FAAH2: variants seen among roughly 807,000 people sequenced by gnomAD.
The protein encoded by FAAH2 is fatty-acid amide hydrolase 2.
FAAH2 carries 60 observed loss-of-function variants against 36.9 expected under a neutral mutation model. The observed-to-expected ratio is 1.63, with a 90% CI of 1.32 to 2.02. The LOEUF (loss-of-function observed/expected upper bound fraction) is 2.02, where lower values mean the gene tolerates loss of function less well. Among genes scored for constraint, FAAH2 ranks in the 30% most tolerant of loss-of-function variants. The pLI is 0.00. For missense variants in FAAH2, 689 were observed against 397.5 expected, an observed-to-expected ratio of 1.73 and a Z score of -6.23; for synonymous variants, 214 against 143.8, an observed-to-expected ratio of 1.49 and a Z score of -3.49.
At chrX:57,221,111 TC>T in the FAAH2 span, among the ~76,000 whole-genome samples, 852 of 109,858 alleles carry the variant, frequency 7.8e-3, 7 homozygotes, top group African/African-American at 0.027. Context: ...AAACCTCGAG[TC>T]CCCCCTCCAC....
the FAAH2 span, among the ~76,000 whole-genome samples, chrX:57,149,482 T>C: frequency 9.0e-6 from 1 of 111,721 alleles, no homozygotes; most frequent in African/African-American, 3.3e-5. Context: ...TGGTTTAGTC[T>C]TGGGAGGGTG....
chrX:57,267,459 C>T, the FAAH2 span, among the ~76,000 whole-genome samples: 1 of 112,658 alleles, frequency 8.9e-6, no homozygotes, highest in Non-Finnish European at 1.9e-5. Context: ...CCTGCACTGG[C>T]CAGCATTCCA....
chrX:57,392,191 A>G (rs1230495646), intron 7 of FAAH2, among the ~76,000 whole-genome samples: 2 of 111,365 alleles, frequency 1.8e-5, no homozygotes, highest in Non-Finnish European at 3.8e-5. Context: ...AAAATTGTTT[A>G]TCAAATATAG....
intron 7 of FAAH2, among the ~76,000 whole-genome samples, chrX:57,422,827 A>G (rs2147082235): frequency 8.9e-6 from 1 of 112,321 alleles, no homozygotes; most frequent in African/African-American, 3.2e-5. Flanking sequence ...AAATAGCAAA[A>G]TAGCAGGTAG....
chrX:57,388,866 G>A (rs187861859), intron 7 of FAAH2, among the ~76,000 whole-genome samples: 34 of 109,848 alleles, frequency 3.1e-4, no homozygotes, highest in Non-Finnish European at 5.0e-4. Flanking sequence ...TTATGTAACC[G>A]TTTTATACTT....
the FAAH2 span, among the ~76,000 whole-genome samples, chrX:57,179,814 A>G: frequency 8.9e-6 from 1 of 112,177 alleles, no homozygotes; most frequent in Non-Finnish European, 1.9e-5. Context: ...AACAGAATAT[A>G]CATTTTTTTC....
At chrX:57,455,681 AC>A (rs1045314833) in intron 10 of FAAH2, among the ~76,000 whole-genome samples, 4 of 112,107 alleles carry the variant, frequency 3.6e-5, no homozygotes, top group African/African-American at 1.3e-4. Flanking sequence ...CAAATTTTAA[AC>A]CAGCAACGGT....
the FAAH2 span, among the ~76,000 whole-genome samples, chrX:57,162,231 C>T: frequency 8.9e-6 from 1 of 112,179 alleles, no homozygotes; most frequent in Non-Finnish European, 1.9e-5. Flanking sequence ...GAGAGATCCG[C>T]TGTTAGTCTG....
chrX:57,282,174 A>C (rs1390524144), upstream of FAAH2, among the ~76,000 whole-genome samples: 1 of 112,021 alleles, frequency 8.9e-6, no homozygotes, highest in African/African-American at 3.2e-5. Context: ...GAACTAACTT[A>C]TATCGCCTAT....
the FAAH2 span, among the ~76,000 whole-genome samples, chrX:57,193,934 C>A: frequency 9.0e-6 from 1 of 111,114 alleles, no homozygotes; most frequent in Non-Finnish European, 1.9e-5. Context: ...TATTTTGTTG[C>A]AGTTTTTTGA....
chrX:57,316,278 G>A (rs1176712593), intron 3 of FAAH2, among the ~76,000 whole-genome samples: 1 of 111,640 alleles, frequency 9.0e-6, no homozygotes, highest in Non-Finnish European at 1.9e-5. Context: ...GGAAAAATCA[G>A]TATTGATGAA....
chrX:57,313,742 A>T (rs1299913109), intron 3 of FAAH2, among the ~76,000 whole-genome samples: 3 of 111,439 alleles, frequency 2.7e-5, no homozygotes, highest in African/African-American at 9.8e-5. Flanking sequence ...ACCTTACATG[A>T]GGCCCTTAAG....
chrX:57,132,278 G>A, the FAAH2 span, among the ~76,000 whole-genome samples: 6 of 111,965 alleles, frequency 5.4e-5, no homozygotes, highest in Middle Eastern at 4.6e-3. Context: ...AGTGGTTTCC[G>A]ATATAATGGC....
chrX:57,217,964 T>C, the FAAH2 span, among the ~76,000 whole-genome samples: 4 of 111,685 alleles, frequency 3.6e-5, no homozygotes, highest in Middle Eastern at 4.6e-3. Flanking sequence ...CTTTCAGCAG[T>C]GTTTTATAGT....
At chrX:57,196,469 T>C in the FAAH2 span, among the ~76,000 whole-genome samples, 1 of 111,428 alleles carries the variant, frequency 9.0e-6, no homozygotes, top group East Asian at 2.8e-4. Flanking sequence ...TGGATGAGTC[T>C]TTAGGGTTTT....
the FAAH2 span, among the ~76,000 whole-genome samples, chrX:57,170,169 C>T: frequency 9.0e-6 from 1 of 111,676 alleles, no homozygotes; most frequent in South Asian, 3.7e-4. Flanking sequence ...CTGGGTTTTG[C>T]CATGTTGCCT....
At chrX:57,317,905 C>A (rs932344476) in intron 3 of FAAH2, among the ~76,000 whole-genome samples, 4 of 111,664 alleles carry the variant, frequency 3.6e-5, no homozygotes, top group African/African-American at 1.3e-4. Flanking sequence ...ACAATCTGCT[C>A]CTGAATGACT....
At chrX:57,248,566 C>T in the FAAH2 span, among the ~76,000 whole-genome samples, 1 of 108,960 alleles carries the variant, frequency 9.2e-6, no homozygotes, top group Admixed American at 9.8e-5. Flanking sequence ...ACAGCCTGAT[C>T]AACATGGAAA....
rs557986156 is a variant in FAAH2 at position 57,432,103 on chromosome X, G to T, written c.1116+66G>T. 80 of 979,267 alleles carry T rather than the reference G, an allele frequency of 8.2e-5. No individual in the cohort carries two copies. The South Asian group carries it at 1.9e-3, about 23-fold the overall frequency. The allele number at this position is 979,267 out of a possible 1,213,427, so 80.7% of individuals were successfully genotyped here. A position where few individuals can be genotyped will look rare whatever the true frequency, so the allele number is the denominator to read the frequency against. On this transcript the variant is annotated intron_variant, in intron 8 of 10. Transcript: ENST00000374900. ...AAACATTTATTGAGCTTCTATTGTG[G>T]TCCATATGTTAGAGGTGTAGAGAAA...
Sources: gnomAD v4.1 joint callset for allele counts (sites outside exome capture counted in the v4.1 genomes callset) on GRCh38, gnomAD v4.1.1 for gene constraint, MANE v1.5 for transcripts, NCBI Gene and HGNC (gene_info 2026-07-23, HGNC 2026-07-21) for gene names.